The following NTRK3 variants were observed in gnomAD, a reference collection of about 807,000 sequenced individuals.
NTRK3 encodes the protein neurotrophic receptor tyrosine kinase 3.
NTRK3 carries 24 observed loss-of-function variants against 91.7 expected under a neutral mutation model. That is an observed-to-expected ratio of 0.26 (90% CI 0.19 to 0.37). NTRK3 has a LOEUF of 0.37. NTRK3 is among the 10% of genes least tolerant of loss of function. The pLI is 1.00. For missense variants in NTRK3, 880 were observed against 1,068.9 expected, an observed-to-expected ratio of 0.82 and a Z score of 2.46; for synonymous variants, 483 against 404.0, an observed-to-expected ratio of 1.20 and a Z score of -2.34.
At chr15:87,879,820 C>T (rs11073752) in intron 18 of NTRK3, among the ~76,000 whole-genome samples, 85,933 of 151,898 alleles carry the variant, frequency 0.57, 25,992 homozygotes, top group East Asian at 0.68. Context: ...CATGACTCTA[C>T]CAGTTATAAA....
chr15:87,999,314 T>C (rs1406074103), intron 14 of NTRK3, among the ~76,000 whole-genome samples: 1 of 152,224 alleles, frequency 6.6e-6, no homozygotes, highest in Non-Finnish European at 1.5e-5. Flanking sequence ...CCTTTGTTCC[T>C]TGGCCACTAG....
At chr15:88,067,066 T>C (rs1392394848) in intron 13 of NTRK3, among the ~76,000 whole-genome samples, 1 of 152,110 alleles carries the variant, frequency 6.6e-6, no homozygotes, top group Non-Finnish European at 1.5e-5. Context: ...CCTCAATTAA[T>C]CCCACTCACT....
chr15:88,042,354 A>G (rs2079718647), intron 13 of NTRK3, among the ~76,000 whole-genome samples: 1 of 152,198 alleles, frequency 6.6e-6, no homozygotes. Context: ...GGCTGTGCTC[A>G]AGAACAGACC....
At chr15:88,090,092 C>A (rs909682113) in intron 13 of NTRK3, among the ~76,000 whole-genome samples, 2 of 152,174 alleles carry the variant, frequency 1.3e-5, no homozygotes, top group African/African-American at 4.8e-5. Flanking sequence ...AAGCCCTCCC[C>A]TCTCTGCTCG....
chr15:87,981,760 T>A (rs991708886), intron 14 of NTRK3, among the ~76,000 whole-genome samples: 2 of 152,170 alleles, frequency 1.3e-5, no homozygotes, highest in African/African-American at 4.8e-5. Flanking sequence ...TGGGAGATAA[T>A]CCTGGACCCA....
At chr15:88,161,610 T>A (rs1034998341) in intron 5 of NTRK3, among the ~76,000 whole-genome samples, 33 of 152,110 alleles carry the variant, frequency 2.2e-4, no homozygotes, top group African/African-American at 7.2e-4. Flanking sequence ...CCATAAAAAA[T>A]GGAGACCCAT....
At chr15:87,986,288 C>A (rs1263581294) in intron 14 of NTRK3, among the ~76,000 whole-genome samples, 1 of 152,120 alleles carries the variant, frequency 6.6e-6, no homozygotes, top group Non-Finnish European at 1.5e-5. Flanking sequence ...TCTAAAATAT[C>A]AGAAAAGTGT....
At chr15:88,002,168 GTTTTTT>G (rs770668339) in intron 14 of NTRK3, among the ~76,000 whole-genome samples, 6 of 70,162 alleles carry the variant, frequency 8.6e-5, no homozygotes, top group African/African-American at 2.9e-4. Flanking sequence ...GATAGTGGTT[GTTTTTT>G]TTTTTTTTTT....
chr15:88,126,973 C>T (rs572634523), intron 12 of NTRK3, among the ~76,000 whole-genome samples, 189 bp downstream of exon 12: 4 of 152,338 alleles, frequency 2.6e-5, no homozygotes, highest in East Asian at 1.9e-4. Context: ...GATCGTCAAA[C>T]ATTTCCTCAA....
At chr15:87,905,889 C>G (rs1425309195) in intron 17 of NTRK3, among the ~76,000 whole-genome samples, 1 of 152,186 alleles carries the variant, frequency 6.6e-6, no homozygotes, top group Admixed American at 6.5e-5. Context: ...ATGCCCATCC[C>G]CATTTCCAGT....
exon 18 of NTRK3, chr15:87,880,331 A>G: frequency 6.2e-7 from 1 of 1,613,796 alleles, no homozygotes; most frequent in Non-Finnish European, 8.5e-7. Flanking sequence ...CCAGAGGATC[A>G]CCCCGAAGCT....
At chr15:87,889,607 G>T (rs921747139) in intron 17 of NTRK3, among the ~76,000 whole-genome samples, 1 of 151,836 alleles carries the variant, frequency 6.6e-6, no homozygotes, top group African/African-American at 2.4e-5. Flanking sequence ...CTTTCATAAT[G>T]CATGGGCTGA....
chr15:87,962,306 A>G (rs2072375035), intron 14 of NTRK3, among the ~76,000 whole-genome samples: 1 of 152,158 alleles, frequency 6.6e-6, no homozygotes, highest in Admixed American at 6.5e-5. Context: ...AGCAGACAAG[A>G]GCTCAGGAAC....
At chr15:88,026,665 A>G (rs1266146065) in intron 14 of NTRK3, among the ~76,000 whole-genome samples, 1 of 152,232 alleles carries the variant, frequency 6.6e-6, no homozygotes, top group Non-Finnish European at 1.5e-5. Flanking sequence ...ATAGTGGTTC[A>G]CCAATTGCAA....
chr15:88,194,296 A>G (rs2047642849), intron 3 of NTRK3, among the ~76,000 whole-genome samples: 1 of 152,214 alleles, frequency 6.6e-6, no homozygotes, highest in Non-Finnish European at 1.5e-5. Context: ...TCATGTGCCA[A>G]GGTGATCTCC....
At chr15:88,056,930 G>A (rs2045749687) in intron 13 of NTRK3, among the ~76,000 whole-genome samples, 1 of 152,110 alleles carries the variant, frequency 6.6e-6, no homozygotes, top group African/African-American at 2.4e-5. Flanking sequence ...CAGCACTTTG[G>A]GAGGCCGAGA....
At chr15:88,187,016 A>G (rs2046998475) in intron 3 of NTRK3, among the ~76,000 whole-genome samples, 1 of 152,198 alleles carries the variant, frequency 6.6e-6, no homozygotes, top group African/African-American at 2.4e-5. Context: ...AGACTATGAT[A>G]AAAAAGAAAA....
At chr15:88,006,708 G>C (rs1567218487) in intron 14 of NTRK3, among the ~76,000 whole-genome samples, 1 of 152,206 alleles carries the variant, frequency 6.6e-6, no homozygotes, top group Non-Finnish European at 1.5e-5. Context: ...TGAACACTGA[G>C]GTTTGTGGGA....
chr15:88,173,660 T>G (rs562565482), intron 5 of NTRK3, among the ~76,000 whole-genome samples: 34 of 152,356 alleles, frequency 2.2e-4, no homozygotes, highest in African/African-American at 8.2e-4. Flanking sequence ...CTTCGTGGTC[T>G]CCCATGGGCC....
Sources: gnomAD v4.1 joint callset for allele counts (sites outside exome capture counted in the v4.1 genomes callset) on GRCh38, gnomAD v4.1.1 for gene constraint, MANE v1.5 for transcripts, NCBI Gene and HGNC (gene_info 2026-07-23, HGNC 2026-07-21) for gene names.